The following PREX1 variants were observed in gnomAD, a reference collection of about 807,000 sequenced individuals.
PREX1 encodes phosphatidylinositol-3,4,5-trisphosphate dependent Rac exchange factor 1, also known as phosphatidylinositol 3,4,5-trisphosphate-dependent Rac exchanger 1 protein.
A neutral mutation model predicts 198.3 loss-of-function variants in PREX1; 41 were observed. The observed-to-expected ratio is 0.21, with a 90% confidence interval of 0.16 to 0.27. PREX1 has a LOEUF of 0.27. PREX1 is among the 10% of genes least tolerant of loss of function. The probability of loss-of-function intolerance (pLI) is 1.00; values close to 1 mark genes in which losing one functional copy is unlikely to be tolerated. For synonymous variants in PREX1, 843 were observed against 887.2 expected (o/e 0.95, Z 0.89); for missense variants, 1,620 against 2,200.7 (o/e 0.74, Z 5.28).
intron 29 of PREX1, among the ~76,000 whole-genome samples, chr20:48,641,860 A>G (rs1295474709): frequency 3.9e-5 from 3 of 76,576 alleles, no homozygotes; most frequent in African/African-American, 1.2e-4. Flanking sequence ...GGAAGGAAGG[A>G]AGGAAGGAAG....
chr20:48,636,587 T>C lies in PREX1; in HGVS notation c.4043A>G (p.Tyr1348Cys). The C allele has an allele frequency of 1.2e-6, 2 of 1,611,830 alleles. No homozygotes were observed. The highest frequency in any genetic ancestry group is 1.1e-5 in the South Asian group (1 of 91,046). Reference protein sequence around the residue: ...FSKQLLAALGYRYNNNGEYEE... With the variant: ...FSKQLLAALGCRYNNNGEYEE... The stretch of plus-strand genomic sequence containing the variant: ...GTACTCGCCATTGTTGTTGTAGCGG[T>C]AGCCCAGGGCCGCCAGCAGCTGCTT... The change falls in exon 32 of 40, where the codon TAC (tyrosine) becomes TGC (cysteine). Residue 1348 changes from tyrosine (Y) to cysteine (C), a missense_variant. By Grantham distance (194) the Tyr-to-Cys change is radical. This residue lies in a region of PREX1 where 476 missense variants were observed against 603.4 expected (regional missense o/e 0.79). Coordinates refer to ENST00000371941, the MANE Select transcript of PREX1 (RefSeq NM_020820.4).
chr20:48,676,217 C>T lies in PREX1; in HGVS notation c.1641G>A (p.Lys547=). The part of the protein sequence containing the change: ...KTYKSVLPGS[K]LVDWLLAQGD... ...CCTGAGCCAGCAGCCAGTCCACCAGCTTGCTCCCGGGAAGCACTGACTTGT... is the reference window on the plus strand; with the variant it reads ...CCTGAGCCAGCAGCCAGTCCACCAGTTTGCTCCCGGGAAGCACTGACTTGT... Residue 547 remains lysine (K), a synonymous_variant, in exon 14 of 40, where the codon AAG becomes AAA. Transcript: ENST00000371941. 2.5e-6 allele frequency: 4 copies of T among 1,614,116 alleles called. No individual in the cohort carries two copies. Among genetic ancestry groups the T allele is most frequent in the Non-Finnish European group, 3.4e-6 (4 of 1,179,992 alleles).
intron 17 of PREX1, among the ~76,000 whole-genome samples, chr20:48,657,515 A>G (rs2089554556): frequency 6.6e-6 from 1 of 152,224 alleles, no homozygotes; most frequent in African/African-American, 2.4e-5. Context: ...CCTGGCGAAG[A>G]AAGATGAAGA....
chr20:48,691,098 T>C lies in PREX1; in HGVS notation c.1037-2A>G. The C allele has an allele frequency of 6.2e-7, 1 of 1,614,178 alleles. No homozygotes were observed. Among genetic ancestry groups the C allele is most frequent in the South Asian group, 1.1e-5 (1 of 91,088 alleles). On this transcript the variant is annotated splice_acceptor_variant, in intron 8 of 39. Transcript: ENST00000371941. LOFTEE classifies it high-confidence loss of function. The surrounding 1 kb of genome is among the most constrained non-coding windows in gnomAD (Gnocchi z 5.0). ...TATAGCCGTTGCTATGGTAATCCGCTGGTGGGGGCAGGAGGCAAAGGTGCA... is the reference window on the plus strand; with the variant it reads ...TATAGCCGTTGCTATGGTAATCCGCCGGTGGGGGCAGGAGGCAAAGGTGCA...
At chr20:48,681,473 C>T in intron 10 of PREX1, 138 bp from the exon 11 acceptor site, 1 of 802,626 alleles carries the variant, frequency 1.2e-6, no homozygotes, top group Non-Finnish European at 2.2e-6. Context: ...GTGTAGTAGT[C>T]TATAGCCCTT....
At position 48,644,422 on chromosome 20, in the gene PREX1, G is replaced by A. The variant is rs764725578; in HGVS notation, c.3588C>T (p.Asp1196=). 1.8e-4 allele frequency: 285 copies of A among 1,613,548 alleles called. No homozygotes were observed. Among genetic ancestry groups the A allele is most frequent in the Non-Finnish European group, 2.0e-4 (232 of 1,179,724 alleles). The stretch of plus-strand genomic sequence containing the variant: ...CACTCCACTCACCAGACCCCATCTC[G>A]TCGCTGCCCAAGTAGGAGCTGTTAC... The part of the protein sequence containing the change: ...VRSNSSYLGS[D]EMGSGDELPC... Residue 1196 remains aspartate, a synonymous_variant, in exon 27 of 40, where the codon GAC becomes GAT. Coordinates refer to ENST00000371941, the MANE Select transcript of PREX1 (RefSeq NM_020820.4).
At chr20:48,657,288 C>T in intron 17 of PREX1, 100 bp from the exon 18 acceptor site, 1 of 1,392,308 alleles carries the variant, frequency 7.2e-7, no homozygotes, top group South Asian at 1.3e-5. Flanking sequence ...GGGTGCTGGC[C>T]CAAGGGATCC....
intron 6 of PREX1, among the ~76,000 whole-genome samples, chr20:48,706,311 ACT>A (rs1395627161): frequency 6.6e-6 from 1 of 152,006 alleles, no homozygotes; most frequent in African/African-American, 2.4e-5. Flanking sequence ...GTGCCAGGAA[ACT>A]CTCTGTCTCC....
At chr20:48,829,660 T>C (rs2090531438), upstream of PREX1, among the ~76,000 whole-genome samples, 1 of 152,220 alleles carries the variant, frequency 6.6e-6, no homozygotes, top group Non-Finnish European at 1.5e-5. Context: ...TAAAGGCCTC[T>C]GGAGTATCTC....
intron 28 of PREX1, 51 bp from the exon 29 acceptor site, chr20:48,642,309 T>A: frequency 6.2e-7 from 1 of 1,606,434 alleles, no homozygotes; most frequent in Non-Finnish European, 8.5e-7. Context: ...CCCTACACAC[T>A]GCAGACATCT....
intron 13 of PREX1, among the ~76,000 whole-genome samples, chr20:48,676,688 C>T (rs922898262): frequency 6.6e-6 from 1 of 152,226 alleles, no homozygotes; most frequent in Non-Finnish European, 1.5e-5. Flanking sequence ...CAATGCCAGG[C>T]AGCCCCCAAC....
chr20:48,656,846 G>C (rs924201310), intron 18 of PREX1, among the ~76,000 whole-genome samples, 194 bp downstream of exon 18: 1 of 152,172 alleles, frequency 6.6e-6, no homozygotes, highest in African/African-American at 2.4e-5. Flanking sequence ...GATTCCCAGG[G>C]CCCAAACTGC....
At chr20:48,652,495 G>A (rs2089506781) in intron 21 of PREX1, 91 bp downstream of exon 21, 1 of 1,425,008 alleles carries the variant, frequency 7.0e-7, no homozygotes. Context: ...GCTGGGAGGA[G>A]GGGAGGGGAG....
At chr20:48,784,619 C>G (rs994650217) in intron 1 of PREX1, among the ~76,000 whole-genome samples, 2 of 152,208 alleles carry the variant, frequency 1.3e-5, no homozygotes, top group African/African-American at 4.8e-5. Context: ...AAGGCCTCCC[C>G]CTCTTCCCTA....
chr20:48,883,534 C>T, the PREX1 span, among the ~76,000 whole-genome samples: 1 of 151,974 alleles, frequency 6.6e-6, no homozygotes, highest in African/African-American at 2.4e-5. Flanking sequence ...AATTAATAAA[C>T]AAGCTTAGCA....
chr20:48,661,498 G>T (rs1316204808), intron 15 of PREX1, among the ~76,000 whole-genome samples: 1 of 100,628 alleles, frequency 9.9e-6, no homozygotes, highest in Non-Finnish European at 1.8e-5. Flanking sequence ...ATAATATATA[G>T]TATGTATATA....
At chr20:48,697,412 G>A (rs896359062) in intron 7 of PREX1, among the ~76,000 whole-genome samples, 4 of 147,712 alleles carry the variant, frequency 2.7e-5, no homozygotes, top group African/African-American at 7.5e-5. Flanking sequence ...ACAGAGTCTC[G>A]CTCTGTCCCC....
At chr20:48,631,161 C>G (rs1283371480) in intron 35 of PREX1, among the ~76,000 whole-genome samples, 1 of 152,196 alleles carries the variant, frequency 6.6e-6, no homozygotes, top group African/African-American at 2.4e-5. Flanking sequence ...CCCTCCAGAA[C>G]AGGGGTCAGC....
chr20:48,744,023 ATGATGATGAT>A (rs2090095693), intron 3 of PREX1, among the ~76,000 whole-genome samples: 2 of 150,090 alleles, frequency 1.3e-5, no homozygotes, highest in South Asian at 2.2e-4. Flanking sequence ...GATGATGATG[ATGATGATGAT>A]GAGTTAACAG....
Sources: allele counts gnomAD v4.1 joint callset (sites outside exome capture counted in the v4.1 genomes callset), GRCh38; gene constraint gnomAD v4.1.1; regional missense constraint gnomAD v4.1.1; non-coding constraint Gnocchi (gnomAD v3.1); transcripts MANE v1.5; gene names NCBI Gene and HGNC (gene_info 2026-07-23, HGNC 2026-07-21).